ZNF846: variants seen among roughly 807,000 people sequenced by gnomAD.
ZNF846 encodes zinc finger protein 420 pseudogene.
A neutral mutation model predicts 16.0 loss-of-function variants in ZNF846; 15 were observed. The observed-to-expected ratio is 0.94, with a 90% CI of 0.63 to 1.45. The LOEUF is 1.45. ZNF846 is among the 40% of genes most tolerant of loss of function. The pLI is 0.00. For missense variants in ZNF846, 714 were observed against 622.3 expected (o/e 1.15, Z -1.57); for synonymous variants, 229 against 212.0 (o/e 1.08, Z -0.70).
chr19:9,758,733 TCATA>T lies in ZNF846; in HGVS notation c.340_343del (p.Tyr114ThrfsTer16), dbSNP rs755197764. 8 of 1,586,040 alleles carry T rather than the reference TCATA, an allele frequency of 5.0e-6. No homozygotes were observed. In the Admixed American group the frequency reaches 1.1e-4, roughly 21 times the overall value. On this transcript the variant is annotated frameshift_variant, in exon 6 of 6. Transcript: ENST00000397902. LOFTEE classifies it low-confidence loss of function (END_TRUNC). ...GAAGACTTTTCCAGAATGGTTAGAG[TCATA>T]CAGTTTCTCTGCAGTATTGCTTCTC...
intron 4 of ZNF846, among the ~76,000 whole-genome samples, chr19:9,761,007 G>T (rs2145214344): frequency 6.6e-6 from 1 of 151,702 alleles, no homozygotes; most frequent in East Asian, 1.9e-4. Context: ...AGACCAGCCT[G>T]GCCAACATGG....
intron 1 of ZNF846, among the ~76,000 whole-genome samples, chr19:9,785,411 T>G (rs111881626): frequency 0.11 from 16,560 of 151,830 alleles, 1,282 homozygotes; most frequent in African/African-American, 0.21. Context: ...TTGGCCAGTA[T>G]GGTCTTAATC....
chr19:9,765,113 C>T, intron 1 of ZNF846, 78 bp from the exon 2 acceptor site: 1 of 773,266 alleles, frequency 1.3e-6, no homozygotes, highest in South Asian at 1.5e-5. Context: ...TGGCTCATGC[C>T]TGTAATCCCA....
At chr19:9,768,422 G>A (rs932776709) in exon 1 of ZNF846, 1 of 152,282 alleles carries the variant, frequency 6.6e-6, no homozygotes, top group African/African-American at 2.4e-5. Flanking sequence ...GGGCACGGTG[G>A]TTGGAGAAAA....
chr19:9,759,040 C>G (rs1180415779), intron 5 of ZNF846, among the ~76,000 whole-genome samples: 1 of 151,630 alleles, frequency 6.6e-6, no homozygotes, highest in Non-Finnish European at 1.5e-5. Flanking sequence ...ACTCTGTCAC[C>G]CAGGCTGAAG....
At chr19:9,780,056 T>TG (rs1357318549) in intron 1 of ZNF846, among the ~76,000 whole-genome samples, 12 of 148,464 alleles carry the variant, frequency 8.1e-5, no homozygotes, top group Admixed American at 4.7e-4. Context: ...TTGTTTTTTT[T>TG]TTTGTTTTTT....
upstream of ZNF846, among the ~76,000 whole-genome samples, chr19:9,769,212 G>A (rs1219918943): frequency 6.6e-6 from 1 of 152,090 alleles, no homozygotes; most frequent in Non-Finnish European, 1.5e-5. Flanking sequence ...GGCCTCCGGA[G>A]TAGCTTGGAC....
chr19:9,759,784 AT>A (rs1345865416), intron 5 of ZNF846, 75 bp downstream of exon 5: 1 of 1,181,252 alleles, frequency 8.5e-7, no homozygotes, highest in East Asian at 2.4e-5. Context: ...GGTAAATGCC[AT>A]TTTCCTCATA....
At chr19:9,773,306 C>T (rs2045404471), upstream of ZNF846, among the ~76,000 whole-genome samples, 1 of 152,196 alleles carries the variant, frequency 6.6e-6, no homozygotes, top group African/African-American at 2.4e-5. Flanking sequence ...GGGCTATAGG[C>T]GTGCAACACC....
At chr19:9,754,836 T>C (rs1475918116), downstream of ZNF846, among the ~76,000 whole-genome samples, 8 of 151,172 alleles carry the variant, frequency 5.3e-5, no homozygotes, top group African/African-American at 2.0e-4. Flanking sequence ...GTATATTCCA[T>C]TGATATTTTA....
downstream of ZNF846, among the ~76,000 whole-genome samples, chr19:9,753,676 A>G (rs1337573866): frequency 6.6e-6 from 1 of 151,774 alleles, no homozygotes; most frequent in African/African-American, 2.4e-5. Context: ...CCATTGATAG[A>G]TCAGGAGTGT....
intron 1 of ZNF846, among the ~76,000 whole-genome samples, chr19:9,766,114 C>G (rs1191251053): frequency 1.3e-5 from 2 of 152,112 alleles, no homozygotes; most frequent in African/African-American, 4.8e-5. Context: ...TGGTTCATAT[C>G]TTTGCTGAAG....
downstream of ZNF846, among the ~76,000 whole-genome samples, chr19:9,752,629 A>G (rs569207841): frequency 3.3e-5 from 5 of 151,582 alleles, no homozygotes. Context: ...AAAAAAAAAA[A>G]AAAAAATTCT....
At chr19:9,779,707 A>C (rs753021215) in intron 1 of ZNF846, among the ~76,000 whole-genome samples, 8 of 151,576 alleles carry the variant, frequency 5.3e-5, no homozygotes, top group Admixed American at 1.3e-4. Flanking sequence ...AGCAGCTGGG[A>C]TTACAGGTGC....
chr19:9,777,129 G>A (rs145260321), intron 1 of ZNF846, among the ~76,000 whole-genome samples: 5 of 149,174 alleles, frequency 3.4e-5, no homozygotes, highest in African/African-American at 7.5e-5. Context: ...GAAGAAGAAC[G>A]AAAGAAAACA....
upstream of ZNF846, among the ~76,000 whole-genome samples, chr19:9,770,953 G>GTTTA (rs533159772): frequency 1.3e-5 from 2 of 151,942 alleles, no homozygotes; most frequent in Non-Finnish European, 2.9e-5. Flanking sequence ...ATGGAAAAAG[G>GTTTA]TTTATTTATT....
chr19:9,763,685 T>C (rs2045267542), intron 2 of ZNF846, among the ~76,000 whole-genome samples: 1 of 152,216 alleles, frequency 6.6e-6, no homozygotes. Context: ...ACTGAATATG[T>C]TGCAGCACTA....
At chr19:9,754,291 G>A (rs901498878), downstream of ZNF846, among the ~76,000 whole-genome samples, 41 of 151,518 alleles carry the variant, frequency 2.7e-4, 1 homozygote, top group East Asian at 2.3e-3. Flanking sequence ...ATGGCCAGGC[G>A]TGATGGCTCA....
chr19:9,750,851 T>G (rs899947524), downstream of ZNF846, among the ~76,000 whole-genome samples: 1 of 152,208 alleles, frequency 6.6e-6, no homozygotes, highest in Non-Finnish European at 1.5e-5. Flanking sequence ...ACACTTTAGC[T>G]GCAGTTGTCC....
Sources: allele counts gnomAD v4.1 joint callset (sites outside exome capture counted in the v4.1 genomes callset), GRCh38; gene constraint gnomAD v4.1.1; transcripts MANE v1.5; gene names NCBI Gene and HGNC (gene_info 2026-07-23, HGNC 2026-07-21).